SYT1: variants seen among roughly 807,000 people sequenced by gnomAD.
The protein encoded by SYT1 is synaptotagmin 1, also known as synaptotagmin-1.
SYT1 carries 8 observed loss-of-function variants against 44.8 expected under a neutral mutation model. The observed-to-expected ratio is 0.18, with a 90% confidence interval of 0.10 to 0.32. The LOEUF is 0.32. SYT1 is among the 10% of genes least tolerant of loss of function. SYT1 has a pLI of 1.00. For synonymous variants in SYT1, 154 were observed against 188.8 expected, an observed-to-expected ratio of 0.82 and a Z score of 1.51; for missense variants, 286 against 509.3, an observed-to-expected ratio of 0.56 and a Z score of 4.22.
intron 2 of SYT1, among the ~76,000 whole-genome samples, chr12:79,011,751 T>C (rs937851823): frequency 6.6e-6 from 1 of 152,028 alleles, no homozygotes; most frequent in African/African-American, 2.4e-5. Flanking sequence ...ATCTGCATTT[T>C]ATAAGCTCCC....
At chr12:78,908,044 T>C (rs1241835434) in intron 1 of SYT1, among the ~76,000 whole-genome samples, 5 of 151,992 alleles carry the variant, frequency 3.3e-5, no homozygotes, top group Admixed American at 3.3e-4. Context: ...TGGTTTTGCC[T>C]AAAGGTCAAA....
At chr12:78,997,528 C>A in intron 2 of SYT1, among the ~76,000 whole-genome samples, 1 of 152,070 alleles carries the variant, frequency 6.6e-6, no homozygotes, top group East Asian at 1.9e-4. Flanking sequence ...CTGTAAGCAA[C>A]CTTGAGTTTC....
At chr12:78,930,895 G>C (rs547557140) in intron 1 of SYT1, among the ~76,000 whole-genome samples, 1 of 151,738 alleles carries the variant, frequency 6.6e-6, no homozygotes, top group Non-Finnish European at 1.5e-5. Context: ...ATTCCATAAG[G>C]CTGTCAGGAG....
At chr12:78,916,845 T>C (rs1384659086) in intron 1 of SYT1, among the ~76,000 whole-genome samples, 1 of 152,048 alleles carries the variant, frequency 6.6e-6, no homozygotes. Context: ...AGATTTCCTA[T>C]GTACCCCCAT....
At chr12:79,412,379 G>T (rs1018528541) in intron 9 of SYT1, among the ~76,000 whole-genome samples, 1 of 152,166 alleles carries the variant, frequency 6.6e-6, no homozygotes, top group African/African-American at 2.4e-5. Context: ...CTCTTAGTTT[G>T]CATGCTTCAG....
chr12:79,432,741 G>A (rs1869871708), intron 9 of SYT1, among the ~76,000 whole-genome samples: 1 of 152,164 alleles, frequency 6.6e-6, no homozygotes, highest in Non-Finnish European at 1.5e-5. Context: ...AGCCTCCTGA[G>A]TAGCTGGGAT....
At chr12:79,128,175 C>G (rs1262367073) in intron 3 of SYT1, among the ~76,000 whole-genome samples, 3 of 152,132 alleles carry the variant, frequency 2.0e-5, no homozygotes, top group African/African-American at 7.2e-5. Context: ...GGGAGGATCT[C>G]TTGAGCCCAG....
chr12:79,295,445 T>A (rs1247519557), intron 6 of SYT1, among the ~76,000 whole-genome samples: 2 of 152,192 alleles, frequency 1.3e-5, no homozygotes, highest in African/African-American at 2.4e-5. Flanking sequence ...GAAGCTGAAA[T>A]TACATTTCTT....
At position 79,353,571 on chromosome 12, in the gene SYT1, A is replaced by G; in HGVS notation, c.880A>G (p.Ile294Val). The G allele has an allele frequency of 6.2e-7, 1 of 1,614,158 alleles. No homozygotes were observed. The highest frequency in any genetic ancestry group is 1.1e-5 in the South Asian group (1 of 91,084). The change falls in exon 9 of 11, where the codon ATT becomes GTT. Residue 294 changes from isoleucine (I) to valine (V), a missense_variant. Coordinates refer to ENST00000261205, the MANE Select transcript of SYT1 (RefSeq NM_005639.3). The stretch of plus-strand genomic sequence containing the variant: ...TACTGCTGGTAAGCTGACTGTTGTC[A>G]TTCTGGAGGCAAAGAACCTGAAGAA... ...VPTAGKLTVVILEAKNLKKMD... is the reference protein window; with the variant it reads ...VPTAGKLTVVVLEAKNLKKMD...
intron 3 of SYT1, among the ~76,000 whole-genome samples, chr12:79,148,925 A>G (rs1430952146): frequency 6.6e-6 from 1 of 152,162 alleles, no homozygotes; most frequent in Non-Finnish European, 1.5e-5. Context: ...AGGTTTTTAA[A>G]TTAGCGTCTC....
intron 2 of SYT1, among the ~76,000 whole-genome samples, chr12:78,990,098 G>A (rs775230867): frequency 6.6e-6 from 1 of 152,146 alleles, no homozygotes; most frequent in Admixed American, 6.6e-5. Flanking sequence ...CTGGGTTTTT[G>A]TACCACAATT....
intron 4 of SYT1, among the ~76,000 whole-genome samples, chr12:79,237,684 T>G (rs184516162): frequency 6.6e-6 from 1 of 152,266 alleles, no homozygotes; most frequent in African/African-American, 2.4e-5. Flanking sequence ...TAAAAATGAT[T>G]AAAGCAGGCA....
chr12:79,397,033 C>G (rs980756449), intron 9 of SYT1, among the ~76,000 whole-genome samples: 34 of 152,040 alleles, frequency 2.2e-4, no homozygotes, highest in African/African-American at 8.2e-4. Context: ...ATGCTAAGGT[C>G]CTGAGATGGG....
At chr12:79,311,654 G>T (rs1445641747) in intron 8 of SYT1, among the ~76,000 whole-genome samples, 7 of 136,024 alleles carry the variant, frequency 5.1e-5, no homozygotes, top group East Asian at 2.1e-4. Flanking sequence ...TTAAGAAAAT[G>T]TGGCACATAT....
rs1385058420 is a variant in SYT1, at chr12:79,450,375, T to G, written c.*1251T>G. ...AGCTAGTGATCTTTTTATATGCTCT[T>G]TTTACTTAAGTTTTAATTTGTCCTT... On this transcript the variant is annotated 3_prime_UTR_variant, in exon 11 of 11. Coordinates refer to ENST00000261205, the MANE Select transcript of SYT1 (RefSeq NM_005639.3). 4 of 152,576 alleles carry G rather than the reference T, an allele frequency of 2.6e-5. No homozygotes were observed. The highest frequency in any genetic ancestry group is 4.8e-5 in the African/African-American group (2 of 41,412). The allele number at this position is 152,576 out of a possible 1,614,324, so 9.5% of individuals were successfully genotyped here. A position where few individuals can be genotyped will look rare whatever the true frequency, so the allele number is the denominator to read the frequency against.
intron 3 of SYT1, among the ~76,000 whole-genome samples, chr12:79,055,422 C>T (rs2137814448): frequency 6.6e-6 from 1 of 151,988 alleles, no homozygotes; most frequent in South Asian, 2.1e-4. Context: ...ATGTAAAGTC[C>T]AAAGTTAATA....
chr12:79,210,844 T>C, intron 3 of SYT1, among the ~76,000 whole-genome samples: 1 of 152,178 alleles, frequency 6.6e-6, no homozygotes. Flanking sequence ...TTCTACATTG[T>C]ATTTTAGCCA....
At chr12:78,922,401 A>G (rs1218402187) in intron 1 of SYT1, among the ~76,000 whole-genome samples, 1 of 151,824 alleles carries the variant, frequency 6.6e-6, no homozygotes, top group Non-Finnish European at 1.5e-5. Flanking sequence ...CTAATAATTT[A>G]TCATATAAAA....
Position 79,245,488 on chromosome 12 carries a change from A to AG in SYT1, c.166+27803_166+27804insG, listed in dbSNP as rs1171938385. ...ACTCCGTCAACAAAAAAAAAAAAAAAAGAAAAGAAAAAAGAAAAAAAAAAC... is the reference window on the plus strand; with the variant it reads ...ACTCCGTCAACAAAAAAAAAAAAAAAGAGAAAAGAAAAAAGAAAAAAAAAAC... On this transcript the variant is annotated intron_variant, in intron 4 of 10. Coordinates refer to ENST00000261205, the MANE Select transcript of SYT1 (RefSeq NM_005639.3). Among the ~76,000 whole-genome samples, 23 of 147,266 alleles carry AG rather than the reference A, an allele frequency of 1.6e-4. 1 individual carries two copies. The highest frequency in any genetic ancestry group is 4.3e-4 in the African/African-American group (17 of 39,716).
Sources: gnomAD v4.1 joint callset for allele counts (sites outside exome capture counted in the v4.1 genomes callset) on GRCh38, gnomAD v4.1.1 for gene constraint, MANE v1.5 for transcripts, NCBI Gene and HGNC (gene_info 2026-07-23, HGNC 2026-07-21) for gene names.